Variants in TMEM143 observed in about 807,000 individuals in gnomAD.
TMEM143 encodes transmembrane protein 143.
Under a neutral mutation model 40.3 loss-of-function variants are expected in TMEM143, and 45 were observed. The ratio of observed to expected loss-of-function variants is 1.12; its 90% CI spans 0.88 to 1.43. TMEM143 has a LOEUF of 1.43. TMEM143 is among the 40% of genes most tolerant of loss of function. The pLI is 0.00. For synonymous variants in TMEM143, 299 were observed against 282.7 expected (o/e 1.06, Z -0.58); for missense variants, 620 against 613.4 (o/e 1.01, Z -0.11).
At chr19:48,342,903 C>T (rs1969535529) in intron 5 of TMEM143, 94 bp from the exon 6 acceptor site, 9 of 1,410,516 alleles carry the variant, frequency 6.4e-6, no homozygotes, top group Middle Eastern at 2.0e-4. Context: ...GCTCTACAGT[C>T]GCACAACCAT....
intron 6 of TMEM143, among the ~76,000 whole-genome samples, chr19:48,337,525 G>T (rs1034292428): frequency 4.0e-5 from 6 of 151,314 alleles, no homozygotes; most frequent in Admixed American, 3.3e-4. Context: ...CCAGCCTGGG[G>T]GACAGAGCGA....
intron 2 of TMEM143, chr19:48,360,425 A>C (rs930121737): frequency 2.8e-5 from 11 of 396,114 alleles, no homozygotes; most frequent in Non-Finnish European, 4.7e-5. Flanking sequence ...TAAAAATACA[A>C]AAATTAGCCG....
At chr19:48,350,605 C>T (rs1193314164) in intron 3 of TMEM143, among the ~76,000 whole-genome samples, 2 of 152,060 alleles carry the variant, frequency 1.3e-5, no homozygotes, top group Non-Finnish European at 2.9e-5. Context: ...CACCGGGCCT[C>T]GCACAAACAT....
chr19:48,336,209 C>G (rs113584281), intron 6 of TMEM143, among the ~76,000 whole-genome samples: 3 of 151,660 alleles, frequency 2.0e-5, no homozygotes, highest in African/African-American at 7.3e-5. Flanking sequence ...TGGTGAAACC[C>G]CATCTCTACT....
Position 48,348,390 on chromosome 19 carries a change from C to G in TMEM143, c.370-3036G>C, listed in dbSNP as rs149824592. On this transcript the variant is annotated intron_variant, in intron 3 of 7. Coordinates refer to ENST00000293261, the MANE Select transcript of TMEM143 (RefSeq NM_018273.4). Reference sequence around the variant, plus strand: ...ACTTCACCCAGCTCTCTCCTCCCCACCCGCCTGGTCCCAGTCCATGCCAGC... The same window carrying G: ...ACTTCACCCAGCTCTCTCCTCCCCAGCCGCCTGGTCCCAGTCCATGCCAGC... 4.6e-3 allele frequency among the ~76,000 whole-genome samples: 694 copies of G among 152,266 alleles called. 7 individuals are homozygous for G. Among genetic ancestry groups the G allele is most frequent in the African/African-American group, 0.016 (650 of 41,552 alleles).
intron 5 of TMEM143, 138 bp downstream of exon 5, chr19:48,343,183 T>C (rs1004832583): frequency 9.0e-7 from 1 of 1,110,968 alleles, no homozygotes. Context: ...AAAGACAGCA[T>C]TTGGATGAGT....
chr19:48,341,809 C>CT (rs1291164084), intron 6 of TMEM143, among the ~76,000 whole-genome samples: 1 of 152,034 alleles, frequency 6.6e-6, no homozygotes, highest in African/African-American at 2.4e-5. Flanking sequence ...CACCGCATCA[C>CT]TAAAGCGCCC....
In TMEM143 at chr19:48,363,486, G is replaced by A; in HGVS notation, c.69C>T (p.Val23=). Residue 23 remains valine, a synonymous_variant, in exon 2 of 8, where the codon GTC becomes GTT. Transcript: ENST00000293261. ...GLAMLHVTRG[V]WGSRVRVWPL... ...GCCATACTCGGACCCTGGACCCCCA[G>A]ACCCCCCGGGTCACATGCAGCATGG... The A allele has an allele frequency of 6.2e-7, 1 of 1,613,812 alleles. No homozygotes were observed. The highest frequency in any genetic ancestry group is 1.1e-5 in the South Asian group (1 of 91,060).
At chr19:48,358,946 A>AAT (rs1969971235) in intron 3 of TMEM143, among the ~76,000 whole-genome samples, 1 of 152,156 alleles carries the variant, frequency 6.6e-6, no homozygotes, top group Non-Finnish European at 1.5e-5. Context: ...AGGCGGGTGG[A>AAT]TCACTTGAGG....
At chr19:48,345,519 C>T (rs1295109131) in intron 3 of TMEM143, among the ~76,000 whole-genome samples, 165 bp from the exon 4 acceptor site, 1 of 151,684 alleles carries the variant, frequency 6.6e-6, no homozygotes, top group Non-Finnish European at 1.5e-5. Context: ...AGTGCAGTGT[C>T]ACGTTCTCCG....
chr19:48,337,028 A>G (rs1339318941), intron 6 of TMEM143, among the ~76,000 whole-genome samples: 1 of 151,450 alleles, frequency 6.6e-6, no homozygotes, highest in Non-Finnish European at 1.5e-5. Flanking sequence ...CTCACAAAAA[A>G]AAAAAAGAAA....
chr19:48,343,327 G>A lies in TMEM143; in HGVS notation c.689C>T (p.Ala230Val), dbSNP rs751977414. 13 of 1,610,166 alleles carry A rather than the reference G, an allele frequency of 8.1e-6. No individual in the cohort carries two copies. In the East Asian group the frequency reaches 1.1e-4, roughly 14 times the overall value. The change falls in exon 5 of 8, where the codon GCG (alanine) becomes GTG (valine). Residue 230 changes from alanine (A) to valine (V), a missense_variant. Ala to Val is a moderately conservative substitution (Grantham distance 64). Transcript: ENST00000293261. The stretch of plus-strand genomic sequence containing the variant: ...GGAACAAGGGCCGCCTCACCTCTCC[G>A]CAGGGGGCAGCTTGGTGAAGAAGCC... Reference protein sequence around the residue: ...RRGFFTKLPPAERRYFKRVVL... With the variant: ...RRGFFTKLPPVERRYFKRVVL...
chr19:48,341,443 G>T (rs558112186), intron 6 of TMEM143, among the ~76,000 whole-genome samples: 1 of 152,178 alleles, frequency 6.6e-6, no homozygotes, highest in Admixed American at 6.5e-5. Context: ...ACTAGGACTG[G>T]AGCCCAGGAG....
At position 48,333,255 on chromosome 19, in the gene TMEM143, C is replaced by T; in HGVS notation, c.1344G>A (p.Glu448=). ...TACTGCTGGGCGTGGCTTGCGGGGG[C>T]TCGGAAGTGATCGGAGCCACTGGGT... ...KLDPVAPITS[E]PPQATPSSNI... The change falls in exon 8 of 8, where the codon GAG becomes GAA. Residue 448 remains glutamate, a synonymous_variant. Transcript: ENST00000293261. This position sits in a 1 kb window ranked among gnomAD's most constrained non-coding sequence, Gnocchi z 4.1. The T allele has an allele frequency of 6.6e-7, 1 of 1,511,888 alleles. No homozygotes were observed. Among genetic ancestry groups the T allele is most frequent in the Non-Finnish European group, 9.0e-7 (1 of 1,116,776 alleles). 93.7% of individuals were successfully genotyped at this position (1,511,888 alleles called of 1,614,324 possible). A position where few individuals can be genotyped will look rare whatever the true frequency, so the allele number is the denominator to read the frequency against.
chr19:48,363,254 G>A, intron 2 of TMEM143, 37 bp downstream of exon 2: 3 of 1,578,120 alleles, frequency 1.9e-6, no homozygotes, highest in Non-Finnish European at 1.7e-6. Context: ...GCTGGGAGCC[G>A]TAGTCCCCAG....
In TMEM143 at chr19:48,333,882, G is replaced by A. The variant is rs745366627; in HGVS notation, c.1165+126C>T. ...GGATTCGGAGGTCCTGTCTGCTGAG[G>A]GCCGGGGTCTCTTCGCAAACCCGTC... On this transcript the variant is annotated intron_variant, in intron 7 of 7. Coordinates refer to ENST00000293261, the MANE Select transcript of TMEM143 (RefSeq NM_018273.4). The surrounding 1 kb of genome is among the most constrained non-coding windows in gnomAD (Gnocchi z 4.1). 3 of 1,032,984 alleles carry A rather than the reference G, an allele frequency of 2.9e-6. No individual in the cohort carries two copies. The highest frequency in any genetic ancestry group is 4.1e-6 in the Non-Finnish European group (3 of 733,822). 64.0% of individuals were successfully genotyped at this position (1,032,984 alleles called of 1,614,324 possible). A position where few individuals can be genotyped will look rare whatever the true frequency, so the allele number is the denominator to read the frequency against.
chr19:48,342,867 C>G (rs974907301), intron 5 of TMEM143, 58 bp from the exon 6 acceptor site: 15 of 1,528,924 alleles, frequency 9.8e-6, no homozygotes, highest in Non-Finnish European at 2.6e-6. Flanking sequence ...CGGGGAGCCC[C>G]CTCCAATCCT....
chr19:48,352,261 A>AAAAAAAAAAAAAAAAAAAAAAAAAAAAAC lies in TMEM143; in HGVS notation c.370-6908_370-6907insGTTTTTTTTTTTTTTTTTTTTTTTTTTTT, dbSNP rs930196732. ...GACTCTGTCTCAAAAAAAAAAAAAA[A>AAAAAAAAAAAAAAAAAAAAAAAAAAAAAC]ACACCATATCTGCATATAACCTCTA... On this transcript the variant is annotated intron_variant, in intron 3 of 7. Transcript: ENST00000293261. Among the ~76,000 whole-genome samples the AAAAAAAAAAAAAAAAAAAAAAAAAAAAAC allele has an allele frequency of 1.8e-4, 26 of 143,902 alleles. 1 individual carries two copies. Among genetic ancestry groups the AAAAAAAAAAAAAAAAAAAAAAAAAAAAAC allele is most frequent in the African/African-American group, 6.3e-4 (23 of 36,258 alleles). The allele number at this position is 143,902 out of a possible 152,430, so 94.4% of individuals were successfully genotyped here.
At position 48,363,467 on chromosome 19, in the gene TMEM143, C is replaced by T; in HGVS notation, c.88G>A (p.Val30Ile). The change falls in exon 2 of 8, where the codon GTA (valine) becomes ATA (isoleucine). Residue 30 changes from valine (V) to isoleucine (I), a missense_variant. Physicochemically the swap from Val to Ile is conservative, Grantham distance 29. Coordinates refer to ENST00000293261, the MANE Select transcript of TMEM143 (RefSeq NM_018273.4). Reference sequence around the variant, plus strand: ...AGGAGCGCGGGCAACAGTGGCCATACTCGGACCCTGGACCCCCAGACCCCC... The same window carrying T: ...AGGAGCGCGGGCAACAGTGGCCATATTCGGACCCTGGACCCCCAGACCCCC... ...TRGVWGSRVR[V>I]WPLLPALLGP... is the part of the protein sequence containing the mutation. The T allele has an allele frequency of 1.2e-6, 2 of 1,613,982 alleles. No individual in the cohort carries two copies. The highest frequency in any genetic ancestry group is 1.7e-6 in the Non-Finnish European group (2 of 1,179,986).
Sources: gnomAD v4.1 joint callset for allele counts (sites outside exome capture counted in the v4.1 genomes callset) on GRCh38, gnomAD v4.1.1 for gene constraint, Gnocchi (gnomAD v3.1) non-coding constraint, MANE v1.5 for transcripts, NCBI Gene and HGNC (gene_info 2026-07-23, HGNC 2026-07-21) for gene names.